RDH12: variants seen among roughly 807,000 people sequenced by gnomAD.
RDH12 encodes the protein retinol dehydrogenase 12.
In RDH12, 21 loss-of-function variants were observed where a neutral mutation model predicts 34.0. That is an observed-to-expected ratio of 0.62 (90% confidence interval 0.44 to 0.89). RDH12 has a LOEUF of 0.89. Ranked by LOEUF, RDH12 falls within the 40% of genes least tolerant of loss-of-function variation. RDH12 has a pLI of 0.00. For synonymous variants in RDH12, 198 were observed against 169.9 expected, an observed-to-expected ratio of 1.17 and a Z score of -1.29; for missense variants, 394 against 398.6, an observed-to-expected ratio of 0.99 and a Z score of 0.10.
At position 67,722,703 on chromosome 14, in the gene RDH12, T is replaced by A. The variant is rs2038138869; in HGVS notation, c.61T>A (p.Ser21Thr). The A allele has an allele frequency of 2.5e-6, 4 of 1,613,402 alleles. No individual in the cohort carries two copies. The African/African-American group carries it at 5.3e-5, about 22-fold the overall frequency. ...CTCGTTCCTGTATATGGTAGCTCCA[T>A]CCATCAGGTTTGTCTTAATTCAGCA... ...FFSFLYMVAP[S>T]IRKFFAGGVC... The change falls in exon 3 of 9, where the codon TCC becomes ACC. Residue 21 changes from serine to threonine, a missense_variant. Ser to Thr is a moderately conservative substitution (Grantham distance 58). Coordinates refer to ENST00000551171, the MANE Select transcript of RDH12 (RefSeq NM_152443.3).
intron 8 of RDH12, among the ~76,000 whole-genome samples, chr14:67,731,696 A>AT (rs1407243260): frequency 6.6e-6 from 1 of 152,136 alleles, no homozygotes; most frequent in African/African-American, 2.4e-5. Flanking sequence ...AAACTATATG[A>AT]TTTTTTATAC....
Position 67,726,981 on chromosome 14 carries a change from G to GCCA in RDH12, c.451_453dup (p.His151dup). ...TCTTCCCTGCTGGCTCTCCTCACAGGCCACTTCCTCCTCACCTACCTGCTC... is the reference window on the plus strand; with the variant it reads ...TCTTCCCTGCTGGCTCTCCTCACAGGCCACCACTTCCTCCTCACCTACCTGCTC... On this transcript the variant is annotated inframe_insertion and splice_region_variant, in exon 7 of 9. Transcript: ENST00000551171. The GCCA allele has an allele frequency of 6.2e-7, 1 of 1,612,156 alleles. No individual in the cohort carries two copies. Among genetic ancestry groups the GCCA allele is most frequent in the East Asian group, 2.2e-5 (1 of 44,874 alleles).
Position 67,721,305 on chromosome 14 carries a change from C to G in RDH12, c.-220+403C>G, listed in dbSNP as rs567541030. ...ACTTACCCTTCTCCCATCTCACACA[C>G]ATCCAGAGGCACGATCCTAGCTCAC... On this transcript the variant is annotated intron_variant, in intron 2 of 8. Coordinates refer to ENST00000551171, the MANE Select transcript of RDH12 (RefSeq NM_152443.3). Among the ~76,000 whole-genome samples, 7 of 152,264 alleles carry G rather than the reference C, an allele frequency of 4.6e-5. No individual in the cohort carries two copies. In the East Asian group the frequency reaches 1.4e-3, roughly 29 times the overall value.
At position 67,726,040 on chromosome 14, in the gene RDH12, G is replaced by A; in HGVS notation, c.344-11G>A. 2.5e-6 allele frequency: 4 copies of A among 1,591,334 alleles called. No homozygotes were observed. The highest frequency in any genetic ancestry group is 3.5e-6 in the Non-Finnish European group (4 of 1,159,316). On this transcript the variant is annotated splice_polypyrimidine_tract_variant and intron_variant, in intron 5 of 8. Coordinates refer to ENST00000551171, the MANE Select transcript of RDH12 (RefSeq NM_152443.3). ...TGCTAACCATAGGATCTCTTTGGTT[G>A]TGCCCTATAGAGGAAAAGCAGCTCC... is the stretch of plus-strand genomic sequence containing the variant.
In RDH12 at chr14:67,725,228, G is replaced by T. The variant is rs150812168; in HGVS notation, c.317G>T (p.Arg106Leu). 1 of 1,613,538 alleles carries T rather than the reference G, an allele frequency of 6.2e-7. No individual in the cohort carries two copies. Among genetic ancestry groups the T allele is most frequent in the African/African-American group, 1.3e-5 (1 of 74,884 alleles). ...GACCTATCCGACACCAAATCTATCCGAGCCTTTGCTGAGGGCTTTCTGGCA... is the reference window on the plus strand; with the variant it reads ...GACCTATCCGACACCAAATCTATCCTAGCCTTTGCTGAGGGCTTTCTGGCA... The part of the protein sequence containing the change: ...KLDLSDTKSI[R>L]AFAEGFLAEE... The change falls in exon 5 of 9, where the codon CGA becomes CTA. Residue 106 changes from arginine (R) to leucine (L), a missense_variant. Arg to Leu is a moderately radical substitution (Grantham distance 102). Coordinates refer to ENST00000551171, the MANE Select transcript of RDH12 (RefSeq NM_152443.3).
intron 6 of RDH12, 77 bp downstream of exon 6, chr14:67,726,232 G>C: frequency 1.1e-6 from 1 of 915,756 alleles, no homozygotes; most frequent in Non-Finnish European, 1.8e-6. Flanking sequence ...GTGTAAATGT[G>C]GAGAATGTCC....
At chr14:67,729,469 T>C (rs1350481530) in intron 8 of RDH12, 89 bp downstream of exon 8, 6 of 1,327,718 alleles carry the variant, frequency 4.5e-6, no homozygotes, top group Non-Finnish European at 6.4e-6. Flanking sequence ...AAGCTGAGTT[T>C]GTGCCTGATG....
rs763082010 is a variant in RDH12, at chr14:67,722,726, G to A, written c.68+16G>A. 20 of 1,607,180 alleles carry A rather than the reference G, an allele frequency of 1.2e-5. No individual in the cohort carries two copies. The highest frequency in any genetic ancestry group is 1.6e-5 in the Non-Finnish European group (19 of 1,173,776). On this transcript the variant is annotated intron_variant, in intron 3 of 8. Transcript: ENST00000551171. ...CATCCATCAGGTTTGTCTTAATTCAGCAACTCAAACAATCGTTTACAAAGA... is the reference window on the plus strand; with the variant it reads ...CATCCATCAGGTTTGTCTTAATTCAACAACTCAAACAATCGTTTACAAAGA...
intron 3 of RDH12, among the ~76,000 whole-genome samples, chr14:67,723,893 G>A (rs1029830300): frequency 4.6e-5 from 7 of 152,262 alleles, no homozygotes; most frequent in Admixed American, 3.3e-4. Context: ...GTTTGCCATC[G>A]GCCAGAATGA....
chr14:67,733,486 G>A (rs761512), intron 8 of RDH12, among the ~76,000 whole-genome samples: 76 of 151,930 alleles, frequency 5.0e-4, no homozygotes, highest in African/African-American at 1.7e-3. Flanking sequence ...ACTTCTGCTC[G>A]CCACTACTTT....
At chr14:67,721,861 G>A (rs1187008739) in intron 2 of RDH12, among the ~76,000 whole-genome samples, 2 of 151,956 alleles carry the variant, frequency 1.3e-5, no homozygotes, top group Non-Finnish European at 2.9e-5. Flanking sequence ...TTAGTAACTT[G>A]CCCAGGGCCG....
At chr14:67,704,179 C>A (rs867782805) in intron 1 of RDH12, among the ~76,000 whole-genome samples, 1 of 151,974 alleles carries the variant, frequency 6.6e-6, no homozygotes, top group Non-Finnish European at 1.5e-5. Context: ...TCTAAAAAAT[C>A]TGTGCCTAAG....
At chr14:67,714,310 T>C (rs2038043478) in intron 1 of RDH12, among the ~76,000 whole-genome samples, 1 of 152,038 alleles carries the variant, frequency 6.6e-6, no homozygotes, top group African/African-American at 2.4e-5. Flanking sequence ...AATTTTTTTT[T>C]CATTTTTTTA....
chr14:67,712,078 C>G (rs1013861036), intron 1 of RDH12, among the ~76,000 whole-genome samples: 46 of 152,126 alleles, frequency 3.0e-4, no homozygotes, highest in African/African-American at 1.0e-3. Context: ...TGCCACCACA[C>G]CCAGCTAATT....
intron 6 of RDH12, among the ~76,000 whole-genome samples, 193 bp downstream of exon 6, chr14:67,726,348 A>G (rs977280201): frequency 6.6e-6 from 1 of 152,122 alleles, no homozygotes; most frequent in Non-Finnish European, 1.5e-5. Flanking sequence ...TCCTACCCAT[A>G]CCATTAAGAA....
chr14:67,724,615 C>A, intron 4 of RDH12, 24 bp downstream of exon 4: 2 of 1,516,398 alleles, frequency 1.3e-6, no homozygotes, highest in Non-Finnish European at 1.8e-6. Context: ...CTTTAGTCTC[C>A]AAAGGGCCAT....
rs2038234207 is a variant in RDH12, at chr14:67,729,260, T to A, written c.728T>A (p.Leu243Gln). ...TCTGAGCTGGTCCGGCACTCCTCCC[T>A]GCTCTGCCTGCTCTGGCGGCTCTTC... ...VRSELVRHSS[L>Q]LCLLWRLFSP... The change falls in exon 8 of 9, where the codon CTG (leucine) becomes CAG (glutamine). Residue 243 changes from leucine to glutamine, a missense_variant. Transcript: ENST00000551171. 1 of 1,607,948 alleles carries A rather than the reference T, an allele frequency of 6.2e-7. No homozygotes were observed.
chr14:67,727,517 T>C (rs2038205014), intron 7 of RDH12: 3 of 339,404 alleles, frequency 8.8e-6, no homozygotes, highest in South Asian at 7.3e-5. Context: ...AGTTTCGCTC[T>C]TGTCGCCCAG....
chr14:67,708,740 A>G (rs2140111349), intron 1 of RDH12, among the ~76,000 whole-genome samples: 1 of 152,186 alleles, frequency 6.6e-6, no homozygotes, highest in Middle Eastern at 3.4e-3. Context: ...TAATTTTTAT[A>G]CCAAATAAGC....
Sources: allele counts gnomAD v4.1 joint callset (sites outside exome capture counted in the v4.1 genomes callset), GRCh38; gene constraint gnomAD v4.1.1; transcripts MANE v1.5; gene names NCBI Gene and HGNC (gene_info 2026-07-23, HGNC 2026-07-21).